The following ADGB variants were observed in gnomAD, a reference collection of about 807,000 sequenced individuals.
ADGB encodes calpain-7-like protein.
In ADGB, 172 loss-of-function variants were observed where a neutral mutation model predicts 210.5. The ratio of observed to expected loss-of-function variants is 0.82; its 90% CI spans 0.72 to 0.93. The LOEUF is 0.93. Among genes scored for constraint, ADGB ranks in the 40% least tolerant of loss-of-function variants. ADGB has a pLI of 0.00. For synonymous variants in ADGB, 658 were observed against 662.7 expected, an observed-to-expected ratio of 0.99 and a Z score of 0.11; for missense variants, 2,025 against 1,964.8, an observed-to-expected ratio of 1.03 and a Z score of -0.58.
At chr6:146,742,868 A>G (rs940822971) in intron 25 of ADGB, among the ~76,000 whole-genome samples, 25 of 152,080 alleles carry the variant, frequency 1.6e-4, no homozygotes, top group Admixed American at 1.6e-3. Flanking sequence ...TTAAAACACT[A>G]TGAGATATTT....
intron 12 of ADGB, among the ~76,000 whole-genome samples, chr6:146,698,430 C>T (rs1308420509): frequency 6.6e-6 from 1 of 152,166 alleles, no homozygotes; most frequent in Non-Finnish European, 1.5e-5. Context: ...TGCTTTCCTA[C>T]TTTTAGATAC....
rs1421364394 is a variant in ADGB at position 146,734,004 on chromosome 6, G to C, written c.2768G>C (p.Arg923Thr). The change falls in exon 22 of 36, where the codon AGA becomes ACA. Residue 923 changes from arginine (R) to threonine (T), a missense_variant. By Grantham distance (71) the Arg-to-Thr change is moderately conservative. Coordinates refer to ENST00000397944, the MANE Select transcript of ADGB (RefSeq NM_024694.4). ...GCCATGTGGAGAGGAACTTACGTTA[G>C]ATTGCTTATGAAAGCCAGAATACCA... ...IQAMWRGTYV[R>T]LLMKARIPDT... is the part of the protein sequence containing the mutation. 1.9e-6 allele frequency: 3 copies of C among 1,551,514 alleles called. No homozygotes were observed. Among genetic ancestry groups the C allele is most frequent in the Non-Finnish European group, 2.6e-6 (3 of 1,146,896 alleles).
intron 12 of ADGB, among the ~76,000 whole-genome samples, chr6:146,696,478 C>T (rs1226409050): frequency 6.6e-6 from 1 of 151,782 alleles, no homozygotes; most frequent in African/African-American, 2.4e-5. Flanking sequence ...AAATGAGCCC[C>T]CTTATTCCAA....
chr6:146,642,958 A>C (rs1775540222), intron 2 of ADGB, among the ~76,000 whole-genome samples: 1 of 151,946 alleles, frequency 6.6e-6, no homozygotes, highest in South Asian at 2.1e-4. Flanking sequence ...AAGAAACAGA[A>C]TCAAGCGACT....
intron 2 of ADGB, among the ~76,000 whole-genome samples, chr6:146,636,691 G>C (rs935684705): frequency 6.6e-6 from 1 of 151,832 alleles, no homozygotes; most frequent in African/African-American, 2.4e-5. Context: ...CTTCCAGTCT[G>C]TCACAATCTC....
At chr6:146,649,888 A>C (rs1324832421) in intron 3 of ADGB, among the ~76,000 whole-genome samples, 1 of 152,222 alleles carries the variant, frequency 6.6e-6, no homozygotes, top group African/African-American at 2.4e-5. Context: ...TCACTTACTC[A>C]TAAGCCAGTT....
intron 12 of ADGB, among the ~76,000 whole-genome samples, chr6:146,700,264 C>T (rs1024058095): frequency 6.6e-6 from 1 of 152,210 alleles, no homozygotes; most frequent in Non-Finnish European, 1.5e-5. Context: ...GAATTGGAGA[C>T]TCAACCAAGT....
At chr6:146,679,408 G>T (rs976565449) in intron 9 of ADGB, among the ~76,000 whole-genome samples, 11 of 152,136 alleles carry the variant, frequency 7.2e-5, no homozygotes, top group African/African-American at 2.4e-4. Flanking sequence ...ACACCCATAA[G>T]TATCCATTCA....
chr6:146,703,757 A>C (rs1034355603), intron 13 of ADGB, among the ~76,000 whole-genome samples: 2 of 151,894 alleles, frequency 1.3e-5, no homozygotes, highest in African/African-American at 4.8e-5. Context: ...TAATGCTATA[A>C]TGAAGATGGG....
At chr6:146,721,559 A>AAGGC (rs1554239905) in intron 17 of ADGB, 54 bp downstream of exon 17, 106 of 1,248,580 alleles carry the variant, frequency 8.5e-5, no homozygotes, top group Non-Finnish European at 1.1e-4. Flanking sequence ...TGTTCAGGCT[A>AAGGC]GGGCGTGGTG....
chr6:146,733,135 T>C lies in ADGB; in HGVS notation c.2536T>C (p.Leu846=), dbSNP rs1470550903. ...AQHFRVFHLS[L]WRLMKKVQIT... is the part of the protein sequence containing the mutation. ...TGTGTTTCAGGTTTTTCATCTTTCCTTATGGCGTTTAATGAAAAAAGTTCA... is the reference window on the plus strand; with the variant it reads ...TGTGTTTCAGGTTTTTCATCTTTCCCTATGGCGTTTAATGAAAAAAGTTCA... The change falls in exon 21 of 36, where the codon TTA becomes CTA. Residue 846 remains leucine (L), a synonymous_variant. Transcript: ENST00000397944. 6.5e-6 allele frequency: 10 copies of C among 1,528,072 alleles called. No individual in the cohort carries two copies. Among genetic ancestry groups the C allele is most frequent in the Non-Finnish European group, 8.8e-6 (10 of 1,135,166 alleles). The allele number at this position is 1,528,072 out of a possible 1,614,324, so 94.7% of individuals were successfully genotyped here. A position where few individuals can be genotyped will look rare whatever the true frequency, so the allele number is the denominator to read the frequency against.
chr6:146,619,814 G>A (rs1260946094), intron 1 of ADGB, among the ~76,000 whole-genome samples: 1 of 151,936 alleles, frequency 6.6e-6, no homozygotes, highest in Non-Finnish European at 1.5e-5. Flanking sequence ...GGTTTACTTA[G>A]CCCAGTTACA....
chr6:146,773,626 GAAGA>G (rs1777684670), intron 29 of ADGB, among the ~76,000 whole-genome samples: 1 of 152,164 alleles, frequency 6.6e-6, no homozygotes. Flanking sequence ...TTTTACAGAT[GAAGA>G]AATGAGCCTT....
intron 5 of ADGB, among the ~76,000 whole-genome samples, chr6:146,662,247 T>C (rs190092116): frequency 1.6e-3 from 245 of 152,262 alleles, no homozygotes; most frequent in Non-Finnish European, 2.8e-4. Flanking sequence ...TTCTCTTCTT[T>C]TTTTCAGTGG....
At chr6:146,801,301 T>A (rs1778128028) in intron 34 of ADGB, 22 bp downstream of exon 34, 2 of 1,316,074 alleles carry the variant, frequency 1.5e-6, no homozygotes, top group Admixed American at 5.3e-5. Context: ...TAAACATGAT[T>A]GATGCAGACA....
intron 10 of ADGB, among the ~76,000 whole-genome samples, chr6:146,690,609 CAT>C (rs1231899305): frequency 6.6e-6 from 1 of 152,106 alleles, no homozygotes; most frequent in Non-Finnish European, 1.5e-5. Context: ...TGATTGTAAT[CAT>C]GTGTAATCAT....
intron 1 of ADGB, among the ~76,000 whole-genome samples, chr6:146,633,750 T>G (rs1352736929): frequency 6.6e-6 from 1 of 152,142 alleles, no homozygotes; most frequent in East Asian, 1.9e-4. Flanking sequence ...TACTGTGTTA[T>G]ATTTCCCTTT....
In ADGB at chr6:146,784,699, G is replaced by C. The variant is rs766370797; in HGVS notation, c.4117G>C (p.Glu1373Gln). The change falls in exon 31 of 36, where the codon GAA becomes CAA. Residue 1373 changes from glutamate to glutamine, a missense_variant. By Grantham distance (29) the Glu-to-Gln change is conservative. Coordinates refer to ENST00000397944, the MANE Select transcript of ADGB (RefSeq NM_024694.4). ...GTTGGTCACTGAACACAATGAATCA[G>C]AATTATTTGAAGTGAAAAAGGATAC... Reference protein sequence around the residue: ...LRLVTEHNESELFEVKKDTER... With the variant: ...LRLVTEHNESQLFEVKKDTER... The C allele has an allele frequency of 9.0e-6, 14 of 1,551,350 alleles. No individual in the cohort carries two copies. The highest frequency in any genetic ancestry group is 9.6e-6 in the Non-Finnish European group (11 of 1,146,782).
At chr6:146,719,301 GTGTATGTGGTAAACTGGTCAAC>G (rs1360290553) in intron 16 of ADGB, among the ~76,000 whole-genome samples, 1 of 152,194 alleles carries the variant, frequency 6.6e-6, no homozygotes, top group East Asian at 1.9e-4. Context: ...TAATTTAAAA[GTGTATGTGGTAAACTGGTCAAC>G]TGTTCTTTAT....
Sources: allele counts gnomAD v4.1 joint callset (sites outside exome capture counted in the v4.1 genomes callset), GRCh38; gene constraint gnomAD v4.1.1; transcripts MANE v1.5; gene names NCBI Gene and HGNC (gene_info 2026-07-23, HGNC 2026-07-21).